The following FHOD3 variants were observed in gnomAD, a reference collection of about 807,000 sequenced individuals.
FHOD3 encodes FH1/FH2 domain-containing protein 3.
FHOD3 carries 90 observed loss-of-function variants against 173.0 expected under a neutral mutation model. That is an observed-to-expected ratio of 0.52 (90% confidence interval 0.44 to 0.62). FHOD3 has a LOEUF of 0.62. Ranked by LOEUF, FHOD3 falls within the 20% of genes least tolerant of loss-of-function variation. The pLI is 0.00. For synonymous variants in FHOD3, 828 were observed against 823.0 expected (o/e 1.01, Z -0.10); for missense variants, 1,945 against 2,034.7 (o/e 0.96, Z 0.85).
intron 3 of FHOD3, among the ~76,000 whole-genome samples, chr18:36,373,827 G>T (rs2047308179): frequency 6.6e-6 from 1 of 152,136 alleles, no homozygotes; most frequent in South Asian, 2.1e-4. Flanking sequence ...ATATTAAATC[G>T]TGGCTTTTTT....
chr18:36,396,182 T>G (rs2048547573), intron 3 of FHOD3, among the ~76,000 whole-genome samples: 1 of 152,242 alleles, frequency 6.6e-6, no homozygotes, highest in Non-Finnish European at 1.5e-5. Flanking sequence ...TATTTTTTTC[T>G]GTAAAGTCCA....
intron 5 of FHOD3, among the ~76,000 whole-genome samples, chr18:36,544,076 G>T (rs1475190743): frequency 6.6e-6 from 1 of 152,198 alleles, no homozygotes; most frequent in Non-Finnish European, 1.5e-5. Context: ...TATGTCACAT[G>T]AGTGAGAGCT....
At chr18:36,649,168 C>G in intron 10 of FHOD3, 148 bp from the exon 11 acceptor site, 1 of 596,694 alleles carries the variant, frequency 1.7e-6, no homozygotes, top group South Asian at 2.2e-5. Context: ...TTCATTTCAG[C>G]CAGCTGGGTG....
intron 10 of FHOD3, among the ~76,000 whole-genome samples, chr18:36,630,437 A>G (rs983474465): frequency 4.6e-5 from 7 of 152,204 alleles, no homozygotes; most frequent in Non-Finnish European, 2.9e-5. Context: ...AATATGCTTG[A>G]ACACTTTTAG....
At position 36,466,444 on chromosome 18, in the gene FHOD3, G is replaced by A. The variant is rs539231998; in HGVS notation, c.338-35488G>A. ...TGAAGGTCAGGGCTTTTAAAGGCAG[G>A]GGTATATTTTAGGAAAGCAGAAGTT... On this transcript the variant is annotated intron_variant, in intron 3 of 28. Transcript: ENST00000590592. 2.0e-5 allele frequency among the ~76,000 whole-genome samples: 3 copies of A among 152,230 alleles called. No homozygotes were observed. In the East Asian group the frequency reaches 5.8e-4, roughly 29 times the overall value.
chr18:36,332,611 C>T (rs2045079743), intron 1 of FHOD3, among the ~76,000 whole-genome samples: 1 of 152,232 alleles, frequency 6.6e-6, no homozygotes, highest in South Asian at 2.1e-4. Context: ...TGACCGGTGT[C>T]TGTTTCTGTG....
At chr18:36,474,382 A>G (rs1029452922) in intron 3 of FHOD3, among the ~76,000 whole-genome samples, 4 of 152,226 alleles carry the variant, frequency 2.6e-5, no homozygotes, top group African/African-American at 9.6e-5. Flanking sequence ...GGATTTGGAC[A>G]TCAATGCTAC....
At position 36,306,583 on chromosome 18, in the gene FHOD3, C is replaced by T. The variant is rs554679337; in HGVS notation, c.165+8583C>T. 5.3e-5 allele frequency among the ~76,000 whole-genome samples: 8 copies of T among 152,364 alleles called. No individual in the cohort carries two copies. The South Asian group carries it at 1.2e-3, about 24-fold the overall frequency. ...AAAAAATAAGAGTCAGGTCATATCA[C>T]TCCTCTGCTCCAAACCTCCCTTAGC... On this transcript the variant is annotated intron_variant, in intron 1 of 28. Coordinates refer to ENST00000590592, the MANE Select transcript of FHOD3 (RefSeq NM_001281740.3).
intron 6 of FHOD3, among the ~76,000 whole-genome samples, chr18:36,589,356 C>T (rs998910436): frequency 6.6e-6 from 1 of 152,120 alleles, no homozygotes; most frequent in Admixed American, 6.5e-5. Flanking sequence ...TAACAGAAAG[C>T]CCAAAGGCTG....
At chr18:36,392,740 A>T (rs528916419) in intron 3 of FHOD3, among the ~76,000 whole-genome samples, 35 of 152,320 alleles carry the variant, frequency 2.3e-4, no homozygotes, top group African/African-American at 8.4e-4. Flanking sequence ...TGTACCTCAT[A>T]GATTCTTTTT....
At chr18:36,621,705 G>T (rs2033723956) in intron 9 of FHOD3, among the ~76,000 whole-genome samples, 1 of 152,206 alleles carries the variant, frequency 6.6e-6, no homozygotes, top group Admixed American at 6.5e-5. Context: ...CATGGGTGAT[G>T]AGCACATCAC....
chr18:36,598,271 G>A (rs1345701259), intron 7 of FHOD3, among the ~76,000 whole-genome samples: 2 of 152,174 alleles, frequency 1.3e-5, no homozygotes, highest in Admixed American at 6.5e-5. Flanking sequence ...AATGAAAACT[G>A]TCAGATTTAA....
chr18:36,352,983 A>G (rs972427508), intron 1 of FHOD3, among the ~76,000 whole-genome samples: 3 of 152,192 alleles, frequency 2.0e-5, no homozygotes, highest in African/African-American at 4.8e-5. Flanking sequence ...ATTTCAGTCC[A>G]CTGGTGATGG....
At chr18:36,700,790 AC>A (rs146001193) in intron 17 of FHOD3, among the ~76,000 whole-genome samples, 1 of 151,772 alleles carries the variant, frequency 6.6e-6, no homozygotes, top group Admixed American at 6.6e-5. Context: ...CACCACAGCC[AC>A]CCCCCAACAA....
intron 3 of FHOD3, among the ~76,000 whole-genome samples, chr18:36,402,379 C>G (rs188105371): frequency 6.9e-4 from 105 of 152,224 alleles, no homozygotes; most frequent in Non-Finnish European, 9.9e-4. Flanking sequence ...ACCCATGCCA[C>G]TACCTCTCTG....
intron 1 of FHOD3, among the ~76,000 whole-genome samples, chr18:36,309,406 C>T (rs1310989805): frequency 6.6e-6 from 1 of 152,226 alleles, no homozygotes; most frequent in East Asian, 1.9e-4. Flanking sequence ...CAGAGTCCAA[C>T]TGCCCTTCTT....
chr18:36,644,849 C>A (rs528176968), intron 10 of FHOD3, among the ~76,000 whole-genome samples: 1 of 152,312 alleles, frequency 6.6e-6, no homozygotes, highest in South Asian at 2.1e-4. Context: ...CAGACCCAGG[C>A]AGTCTGGCTC....
rs71168219 is a variant in FHOD3, at chr18:36,369,506, TAGAGAGAGAG to T, written c.273-3161_273-3152del. Among the ~76,000 whole-genome samples the T allele has an allele frequency of 9.1e-3, 1,170 of 128,258 alleles. 13 individuals are homozygous for T. The highest frequency in any genetic ancestry group is 0.018 in the African/African-American group (636 of 34,906). 84.1% of individuals were successfully genotyped at this position (128,258 alleles called of 152,430 possible). ...ACACACACACACACACACATATATA[TAGAGAGAGAG>T]AGAGAGAGAGAGCAAGCAATATGTG... On this transcript the variant is annotated intron_variant, in intron 2 of 28. Transcript: ENST00000590592.
rs556986984 is a variant in FHOD3 at position 36,605,739 on chromosome 18, A to G, written c.813+2971A>G. Among the ~76,000 whole-genome samples, 53 of 152,322 alleles carry G rather than the reference A, an allele frequency of 3.5e-4. 1 individual carries two copies. The South Asian group carries it at 9.3e-3, about 27-fold the overall frequency. On this transcript the variant is annotated intron_variant, in intron 8 of 28. Transcript: ENST00000590592. ...GTATTGTAGTAATGCATGTTGCCCA[A>G]TGAGTAAACTCCTCTGAGATACCAA...
Sources: allele counts gnomAD v4.1 joint callset (sites outside exome capture counted in the v4.1 genomes callset), GRCh38; gene constraint gnomAD v4.1.1; transcripts MANE v1.5; gene names NCBI Gene and HGNC (gene_info 2026-07-23, HGNC 2026-07-21).